The following RANBP2 variants were observed in gnomAD, a reference collection of about 807,000 sequenced individuals.
RANBP2 encodes the protein RAN binding protein 2.
Under a neutral mutation model 303.6 loss-of-function variants are expected in RANBP2, and 57 were observed. That is an observed-to-expected ratio of 0.19 (90% CI 0.15 to 0.23). The LOEUF is 0.23. Ranked by LOEUF, RANBP2 falls within the 10% of genes least tolerant of loss-of-function variation. RANBP2 has a pLI of 1.00. For synonymous variants in RANBP2, 1,167 were observed against 1,301.5 expected (o/e 0.90, Z 2.23); for missense variants, 3,138 against 3,780.8 (o/e 0.83, Z 4.46).
At chr2:108,786,782 G>A (rs1369738676), downstream of RANBP2, 4 of 1,539,764 alleles carry the variant, frequency 2.6e-6, no homozygotes, top group Non-Finnish European at 1.8e-6. Flanking sequence ...CGGGTTTGAT[G>A]AACGCGGTTC....
At chr2:108,819,292 C>T in the RANBP2 span, among the ~76,000 whole-genome samples, 168 of 152,274 alleles carry the variant, frequency 1.1e-3, no homozygotes, top group African/African-American at 4.0e-3. Flanking sequence ...GCCGGTATAG[C>T]GCAGTGCAAC....
At chr2:109,591,273 A>C in the RANBP2 span, among the ~76,000 whole-genome samples, 4 of 152,194 alleles carry the variant, frequency 2.6e-5, no homozygotes, top group Non-Finnish European at 4.4e-5. Flanking sequence ...AGTTGAACTA[A>C]ATGGCCTCTA....
the RANBP2 span, chr2:108,907,895 T>C: frequency 8.7e-6 from 14 of 1,613,622 alleles, no homozygotes; most frequent in South Asian, 1.2e-4. Flanking sequence ...GACTTCTCCC[T>C]GGCCAGGTGA....
the RANBP2 span, among the ~76,000 whole-genome samples, chr2:108,853,648 T>C: frequency 6.7e-6 from 1 of 150,168 alleles, no homozygotes; most frequent in Admixed American, 6.8e-5. Context: ...TGCCTCAGGC[T>C]TCCAAGTAGC....
At chr2:109,189,815 GGTC>G in the RANBP2 span, among the ~76,000 whole-genome samples, 1 of 152,292 alleles carries the variant, frequency 6.6e-6, no homozygotes, top group Non-Finnish European at 1.5e-5. Context: ...TCTCAACACT[GGTC>G]AGAGTTCTCA....
At chr2:109,684,237 C>G in the RANBP2 span, among the ~76,000 whole-genome samples, 1 of 34,508 alleles carries the variant, frequency 2.9e-5, no homozygotes, top group Admixed American at 4.4e-4. Flanking sequence ...CCACCACACC[C>G]GGTCTTACTT....
the RANBP2 span, among the ~76,000 whole-genome samples, chr2:109,381,768 C>T: frequency 1.1e-4 from 16 of 152,146 alleles, no homozygotes; most frequent in Admixed American, 2.0e-4. Flanking sequence ...GCTCTCGCTT[C>T]GCAGAAGGGG....
the RANBP2 span, among the ~76,000 whole-genome samples, chr2:109,584,443 C>A: frequency 2.1e-4 from 29 of 134,956 alleles, no homozygotes; most frequent in African/African-American, 7.9e-4. Flanking sequence ...CCACTGCACT[C>A]CAGACTGGGT....
the RANBP2 span, among the ~76,000 whole-genome samples, chr2:109,723,543 A>AT: frequency 6.6e-6 from 1 of 151,914 alleles, no homozygotes; most frequent in African/African-American, 2.4e-5. Flanking sequence ...TTTTTTTCAT[A>AT]TATTTGTTGG....
the RANBP2 span, among the ~76,000 whole-genome samples, chr2:108,945,151 T>C: frequency 6.6e-6 from 1 of 152,062 alleles, no homozygotes; most frequent in South Asian, 2.1e-4. Flanking sequence ...CGATCCTGTG[T>C]GGGGAGCAAC....
the RANBP2 span, among the ~76,000 whole-genome samples, chr2:109,519,952 G>T: frequency 2.6e-5 from 4 of 152,206 alleles, no homozygotes; most frequent in African/African-American, 9.7e-5. Context: ...GAGGATGGGT[G>T]GTTCTTTGTC....
the RANBP2 span, chr2:108,929,192 G>A: frequency 6.2e-7 from 1 of 1,613,862 alleles, no homozygotes; most frequent in Non-Finnish European, 8.5e-7. Context: ...GAGGGCCTGT[G>A]CTTACCCAGG....
intron 25 of RANBP2, among the ~76,000 whole-genome samples, chr2:108,780,648 G>A (rs1350862296): frequency 6.6e-6 from 1 of 151,250 alleles, no homozygotes; most frequent in Non-Finnish European, 1.5e-5. Flanking sequence ...TTCTGCCTCA[G>A]CCTCTCAAGT....
chr2:108,783,289 C>T (rs1476189333), intron 28 of RANBP2, among the ~76,000 whole-genome samples: 2 of 141,092 alleles, frequency 1.4e-5, no homozygotes, highest in East Asian at 2.0e-4. Flanking sequence ...TAGGTTTGCA[C>T]CACTGCACTC....
At chr2:109,660,913 C>T in the RANBP2 span, among the ~76,000 whole-genome samples, 1 of 152,178 alleles carries the variant, frequency 6.6e-6, no homozygotes, top group Admixed American at 6.6e-5. Flanking sequence ...TGTGCTTTCT[C>T]CTGAATTATC....
chr2:109,674,653 G>A, the RANBP2 span, among the ~76,000 whole-genome samples: 1 of 151,860 alleles, frequency 6.6e-6, no homozygotes, highest in Admixed American at 6.6e-5. Context: ...TTAAGGAAAG[G>A]GTTTATGAAA....
chr2:108,740,430 C>A, intron 6 of RANBP2, 59 bp from the exon 7 acceptor site: 1 of 1,595,394 alleles, frequency 6.3e-7, no homozygotes, highest in East Asian at 2.2e-5. Context: ...ATTAAATAAA[C>A]CATGATTATT....
the RANBP2 span, among the ~76,000 whole-genome samples, chr2:109,227,802 C>T: frequency 6.6e-6 from 1 of 152,362 alleles, no homozygotes; most frequent in East Asian, 1.9e-4. Context: ...GGAGTCAACA[C>T]TTCCTTTCCC....
chr2:109,068,350 C>T, the RANBP2 span, among the ~76,000 whole-genome samples: 8 of 152,126 alleles, frequency 5.3e-5, no homozygotes, highest in Admixed American at 3.3e-4. Context: ...AACACCCACC[C>T]GAAGAACCCC....
Sources: allele counts gnomAD v4.1 joint callset (sites outside exome capture counted in the v4.1 genomes callset), GRCh38; gene constraint gnomAD v4.1.1; transcripts MANE v1.5; gene names NCBI Gene and HGNC (gene_info 2026-07-23, HGNC 2026-07-21).